ZNF516: variants seen among roughly 807,000 people sequenced by gnomAD.
ZNF516 encodes the protein zinc finger protein 516.
ZNF516 carries 19 observed loss-of-function variants against 79.7 expected under a neutral mutation model. The ratio of observed to expected loss-of-function variants is 0.24; its 90% CI spans 0.17 to 0.35. The LOEUF (loss-of-function observed/expected upper bound fraction) is 0.35, where lower values mean the gene tolerates loss of function less well. Ranked by LOEUF, ZNF516 falls within the 10% of genes least tolerant of loss-of-function variation. The probability of loss-of-function intolerance (pLI) is 1.00; values close to 1 mark genes in which losing one functional copy is unlikely to be tolerated. For synonymous variants in ZNF516, 877 were observed against 739.5 expected, an observed-to-expected ratio of 1.19 and a Z score of -3.02; for missense variants, 1,678 against 1,679.5, an observed-to-expected ratio of 1.00 and a Z score of 0.02.
intron 1 of ZNF516, among the ~76,000 whole-genome samples, chr18:76,479,940 T>A (rs1400670107): frequency 6.6e-6 from 1 of 152,176 alleles, no homozygotes; most frequent in Non-Finnish European, 1.5e-5. Context: ...TTTAAAGCAA[T>A]GTACCTTCCC....
chr18:76,405,147 TC>T (rs1196764934), intron 3 of ZNF516, among the ~76,000 whole-genome samples: 2 of 152,174 alleles, frequency 1.3e-5, no homozygotes, highest in African/African-American at 4.8e-5. Flanking sequence ...CTGGAGGTCA[TC>T]GGGAACACGG....
chr18:76,489,066 T>C (rs1915005312), intron 1 of ZNF516, among the ~76,000 whole-genome samples: 1 of 152,238 alleles, frequency 6.6e-6, no homozygotes. Context: ...TCTCTATCTC[T>C]ACAGCATTAA....
At chr18:76,389,697 A>C (rs2075044235) in intron 3 of ZNF516, among the ~76,000 whole-genome samples, 1 of 152,176 alleles carries the variant, frequency 6.6e-6, no homozygotes, top group Non-Finnish European at 1.5e-5. Context: ...AGTTATTTTT[A>C]AGCAGTACAA....
chr18:76,407,432 G>T (rs1393857461), intron 3 of ZNF516, among the ~76,000 whole-genome samples: 1 of 152,118 alleles, frequency 6.6e-6, no homozygotes, highest in Non-Finnish European at 1.5e-5. Flanking sequence ...TAACAAAGAA[G>T]AGGGGGGGAG....
chr18:76,419,736 T>C (rs766431653), intron 3 of ZNF516, among the ~76,000 whole-genome samples: 2 of 152,226 alleles, frequency 1.3e-5, no homozygotes, highest in Non-Finnish European at 2.9e-5. Context: ...CCTTCTACCA[T>C]GATTGTGAGG....
chr18:76,484,765 T>A (rs1914733543), intron 1 of ZNF516, among the ~76,000 whole-genome samples: 1 of 152,238 alleles, frequency 6.6e-6, no homozygotes, highest in Admixed American at 6.5e-5. Context: ...TTTTAATCAA[T>A]ACCTATACTT....
At chr18:76,404,016 C>CAGGCTGGCA (rs1028551083) in intron 3 of ZNF516, among the ~76,000 whole-genome samples, 1 of 152,240 alleles carries the variant, frequency 6.6e-6, no homozygotes, top group Non-Finnish European at 1.5e-5. Flanking sequence ...CAGCAGCGGA[C>CAGGCTGGCA]AGGCTGGCAG....
At chr18:76,405,107 A>C (rs1354967189) in intron 3 of ZNF516, among the ~76,000 whole-genome samples, 2 of 152,150 alleles carry the variant, frequency 1.3e-5, no homozygotes, top group East Asian at 3.9e-4. Context: ...CTGATGAACC[A>C]GCCTCCCGAG....
At chr18:76,397,306 TTCTTC>T (rs1184026026) in intron 3 of ZNF516, among the ~76,000 whole-genome samples, 3 of 152,116 alleles carry the variant, frequency 2.0e-5, no homozygotes, top group African/African-American at 7.2e-5. Flanking sequence ...CCAGAAAAGT[TTCTTC>T]TAAAGAAATG....
Position 76,359,827 on chromosome 18 carries a change from CG to C in ZNF516, c.*2670del, listed in dbSNP as rs921116884. ...AGTGTATCATGCAGAAATTACCATT[CG>C]GAAAAAAAAAGGCAATCAAAACGGT... On this transcript the variant is annotated 3_prime_UTR_variant, in exon 7 of 7. Coordinates refer to ENST00000443185, the MANE Select transcript of ZNF516 (RefSeq NM_014643.4). 1 of 146,126 alleles carries C rather than the reference CG, an allele frequency of 6.8e-6. No individual in the cohort carries two copies. The highest frequency in any genetic ancestry group is 1.5e-5 in the Non-Finnish European group (1 of 67,806). 9.1% of individuals were successfully genotyped at this position (146,126 alleles called of 1,614,324 possible). A position where few individuals can be genotyped will look rare whatever the true frequency, so the allele number is the denominator to read the frequency against.
At chr18:76,389,556 A>C (rs2075041196) in intron 3 of ZNF516, 1 of 152,166 alleles carries the variant, frequency 6.6e-6, no homozygotes, top group Non-Finnish European at 1.5e-5. Flanking sequence ...CGTCAATTCT[A>C]AGGTTCTAAG....
chr18:76,439,729 AAAT>A (rs2075789513), intron 3 of ZNF516, among the ~76,000 whole-genome samples: 1 of 152,190 alleles, frequency 6.6e-6, no homozygotes, highest in Non-Finnish European at 1.5e-5. Context: ...GAGCTTTTCC[AAAT>A]ATTAAGAATA....
At chr18:76,408,985 TTATC>T (rs1269457537) in intron 3 of ZNF516, among the ~76,000 whole-genome samples, 3 of 152,144 alleles carry the variant, frequency 2.0e-5, no homozygotes, top group Admixed American at 1.3e-4. Flanking sequence ...AAATATATTC[TTATC>T]TATCTAACCT....
chr18:76,389,287 A>AC (rs943412418), intron 3 of ZNF516: 1 of 152,152 alleles, frequency 6.6e-6, no homozygotes, highest in Non-Finnish European at 1.5e-5. Context: ...TCTCCAAAAA[A>AC]AAAAAAAAAA....
chr18:76,481,728 T>C (rs569327823), intron 1 of ZNF516, among the ~76,000 whole-genome samples: 23 of 152,346 alleles, frequency 1.5e-4, no homozygotes, highest in Admixed American at 4.6e-4. Flanking sequence ...TCAATGTTTG[T>C]TGAAAGAAAA....
chr18:76,491,056 G>A (rs1326503634), intron 1 of ZNF516: 1 of 985,232 alleles, frequency 1.0e-6, no homozygotes, highest in African/African-American at 1.7e-5. Context: ...GCGCAGGACC[G>A]GTTCAGGTGT....
intron 3 of ZNF516, among the ~76,000 whole-genome samples, chr18:76,425,691 G>C (rs73975425): frequency 0.02 from 3,052 of 152,348 alleles, 81 homozygotes; most frequent in African/African-American, 0.07. Context: ...GGTCGGAGCT[G>C]TGTCTTTTGT....
In ZNF516 at chr18:76,463,138, G is replaced by T. The variant is rs1401740612; in HGVS notation, c.-268C>A. 6.6e-6 allele frequency: 1 copy of T among 152,248 alleles called. No homozygotes were observed. The highest frequency in any genetic ancestry group is 2.4e-5 in the African/African-American group (1 of 41,464). 9.4% of individuals were successfully genotyped at this position (152,248 alleles called of 1,614,324 possible). A position where few individuals can be genotyped will look rare whatever the true frequency, so the allele number is the denominator to read the frequency against. On this transcript the variant is annotated 5_prime_UTR_variant, in exon 2 of 7. The change creates a new upstream start codon in the 5' untranslated region. Coordinates refer to ENST00000443185, the MANE Select transcript of ZNF516 (RefSeq NM_014643.4). ...ACCGAACTCCACTCGGCCTCTCTCA[G>T]ATTCTGAAATGAGGAAAAGTTTAGT...
At chr18:76,405,922 G>A (rs1200783681) in intron 3 of ZNF516, among the ~76,000 whole-genome samples, 1 of 152,088 alleles carries the variant, frequency 6.6e-6, no homozygotes. Flanking sequence ...GACCCACCTT[G>A]CATGGCGGCT....
Sources: allele counts gnomAD v4.1 joint callset (sites outside exome capture counted in the v4.1 genomes callset), GRCh38; gene constraint gnomAD v4.1.1; transcripts MANE v1.5; gene names NCBI Gene and HGNC (gene_info 2026-07-23, HGNC 2026-07-21).